WIPF1: variants seen among roughly 807,000 people sequenced by gnomAD.
The protein encoded by WIPF1 is WAS/WASL-interacting protein family member 1.
In WIPF1, 13 loss-of-function variants were observed where a neutral mutation model predicts 35.4. The observed-to-expected ratio is 0.37, with a 90% confidence interval of 0.24 to 0.58. The LOEUF is 0.58. Ranked by LOEUF, WIPF1 falls within the 20% of genes least tolerant of loss-of-function variation. The pLI is 0.74. For missense variants in WIPF1, 591 were observed against 667.0 expected (o/e 0.89, Z 1.25); for synonymous variants, 267 against 266.3 (o/e 1.00, Z -0.02).
chr2:174,562,889 TATGG>T (rs775018779), intron 7 of WIPF1, among the ~76,000 whole-genome samples: 1 of 152,194 alleles, frequency 6.6e-6, no homozygotes, highest in African/African-American at 2.4e-5. Context: ...ATTTAGAAAA[TATGG>T]ATGAGTAAAA....
At chr2:174,654,698 G>T (rs1027837802) in intron 1 of WIPF1, among the ~76,000 whole-genome samples, 3 of 151,492 alleles carry the variant, frequency 2.0e-5, no homozygotes, top group Non-Finnish European at 2.9e-5. Context: ...TGACTAGTTT[G>T]GTTTTTTTCC....
At chr2:174,637,444 TTTTG>T (rs1280297067) in intron 1 of WIPF1, among the ~76,000 whole-genome samples, 1 of 152,218 alleles carries the variant, frequency 6.6e-6, no homozygotes, top group African/African-American at 2.4e-5. Flanking sequence ...TAATAAAAAA[TTTTG>T]TTTAATTACA....
At chr2:174,646,936 G>C (rs1687422778) in intron 1 of WIPF1, among the ~76,000 whole-genome samples, 2 of 152,166 alleles carry the variant, frequency 1.3e-5, no homozygotes, top group Admixed American at 1.3e-4. Context: ...TTCTGAGGGT[G>C]TTTTGCATGC....
At chr2:174,599,792 A>ACACTCT (rs1553530477), upstream of WIPF1, among the ~76,000 whole-genome samples, 77 of 148,666 alleles carry the variant, frequency 5.2e-4, no homozygotes, top group East Asian at 1.4e-3. Context: ...ACACACACAC[A>ACACTCT]CTCTCTCTCT....
At chr2:174,613,926 A>C in intron 1 of WIPF1, among the ~76,000 whole-genome samples, 1 of 152,202 alleles carries the variant, frequency 6.6e-6, no homozygotes, top group Non-Finnish European at 1.5e-5. Flanking sequence ...TAATCATTTG[A>C]GTCTCCATTT....
intron 1 of WIPF1, among the ~76,000 whole-genome samples, chr2:174,638,570 C>T (rs769329731): frequency 2.6e-5 from 4 of 152,060 alleles, no homozygotes; most frequent in Non-Finnish European, 4.4e-5. Flanking sequence ...TCTCTAGTAA[C>T]CATCTGTTCT....
At chr2:174,600,910 TCC>T (rs1328035392), upstream of WIPF1, among the ~76,000 whole-genome samples, 1 of 141,600 alleles carries the variant, frequency 7.1e-6, no homozygotes, top group African/African-American at 2.6e-5. Context: ...AGCATAATGT[TCC>T]TTTTTTTTTT....
At chr2:174,662,406 T>G (rs1439670621) in intron 1 of WIPF1, among the ~76,000 whole-genome samples, 1 of 152,200 alleles carries the variant, frequency 6.6e-6, no homozygotes, top group East Asian at 1.9e-4. Context: ...CCTGGATTGG[T>G]GGTCTAGACT....
intron 1 of WIPF1, among the ~76,000 whole-genome samples, chr2:174,647,522 TGCC>T (rs1413844920): frequency 2.2e-4 from 34 of 152,022 alleles, no homozygotes; most frequent in African/African-American, 7.2e-4. Context: ...TACAGGCGCG[TGCC>T]ACTATGCCTG....
At chr2:174,634,073 CAA>C (rs1173913501) in intron 1 of WIPF1, among the ~76,000 whole-genome samples, 5 of 152,292 alleles carry the variant, frequency 3.3e-5, no homozygotes, top group Admixed American at 6.5e-5. Context: ...CACAAAACAA[CAA>C]ACTTTTGCAT....
intron 7 of WIPF1, among the ~76,000 whole-genome samples, chr2:174,563,323 G>T (rs12472763): frequency 1.3e-5 from 2 of 152,170 alleles, no homozygotes; most frequent in African/African-American, 4.8e-5. Context: ...TGTAACCCCA[G>T]CACTTTGAGA....
chr2:174,634,764 A>G (rs920984554), intron 1 of WIPF1, among the ~76,000 whole-genome samples: 3 of 152,188 alleles, frequency 2.0e-5, no homozygotes, highest in Non-Finnish European at 2.9e-5. Flanking sequence ...GGACACAGGT[A>G]AAGAGGAGAT....
rs554144483 is a variant in WIPF1 at position 174,671,988 on chromosome 2, C to T, written c.-39+10786G>A. On this transcript the variant is annotated intron_variant, in intron 1 of 8. Transcript: ENST00000272746. ...ACACCCTATTTGTACACTCCCTCCC[C>T]TTTGAAAATCACCAATAAAAACTTG... 3.3e-5 allele frequency among the ~76,000 whole-genome samples: 5 copies of T among 152,304 alleles called. No homozygotes were observed. In the South Asian group the frequency reaches 1.0e-3, roughly 32 times the overall value.
intron 1 of WIPF1, among the ~76,000 whole-genome samples, chr2:174,586,206 G>T (rs1009173479): frequency 1.3e-5 from 2 of 152,030 alleles, no homozygotes; most frequent in African/African-American, 2.4e-5. Flanking sequence ...ACGTGTGGGG[G>T]GTCAACCTTA....
intron 1 of WIPF1, among the ~76,000 whole-genome samples, chr2:174,586,675 T>G (rs1006201458): frequency 1.3e-5 from 2 of 152,140 alleles, no homozygotes; most frequent in Non-Finnish European, 2.9e-5. Flanking sequence ...CTGCCCTGTC[T>G]AGGACAACGC....
chr2:174,601,027 C>T (rs143876959), upstream of WIPF1, among the ~76,000 whole-genome samples: 564 of 141,936 alleles, frequency 4.0e-3, 16 homozygotes, highest in Admixed American at 0.037. Context: ...CAGGTTCAAG[C>T]GATTCTCATG....
At position 174,608,345 on chromosome 2, in the gene WIPF1, G is replaced by C. The variant is rs73973322; in HGVS notation, c.-38-22734C>G. Among the ~76,000 whole-genome samples the C allele has an allele frequency of 3.2e-3, 480 of 152,278 alleles. 2 individuals carry two copies. The highest frequency in any genetic ancestry group is 0.011 in the African/African-American group (456 of 41,550). On this transcript the variant is annotated intron_variant, in intron 1 of 8. Transcript: ENST00000272746. The stretch of plus-strand genomic sequence containing the variant: ...ACCCTAGATGCTGAGGACACAGCGT[G>C]GAAGTTCACCTCTCCATGCTGAGTT...
chr2:174,637,641 G>C (rs1285130529), intron 1 of WIPF1, among the ~76,000 whole-genome samples: 2 of 152,162 alleles, frequency 1.3e-5, no homozygotes, highest in Non-Finnish European at 2.9e-5. Flanking sequence ...CAAAAAATGA[G>C]CCGGGCATGG....
chr2:174,679,467 CAAA>C (rs202032725), intron 1 of WIPF1, among the ~76,000 whole-genome samples: 1 of 107,524 alleles, frequency 9.3e-6, no homozygotes, highest in Non-Finnish European at 2.0e-5. Flanking sequence ...AAATTTGTCT[CAAA>C]AAAAAAAAAA....
Sources: gnomAD v4.1 joint callset for allele counts (sites outside exome capture counted in the v4.1 genomes callset) on GRCh38, gnomAD v4.1.1 for gene constraint, MANE v1.5 for transcripts, NCBI Gene and HGNC (gene_info 2026-07-23, HGNC 2026-07-21) for gene names.